CAPZB: variants seen among roughly 807,000 people sequenced by gnomAD.
CAPZB encodes capping actin protein of muscle Z-line subunit beta.
Under a neutral mutation model 38.1 loss-of-function variants are expected in CAPZB, and 2 were observed. The ratio of observed to expected loss-of-function variants is 0.05; its 90% CI spans 0.02 to 0.17. The LOEUF (loss-of-function observed/expected upper bound fraction) is 0.17. Among genes scored for constraint, CAPZB ranks in the 10% least tolerant of loss-of-function variants. The pLI, the probability that CAPZB is intolerant of heterozygous loss-of-function variation, is 1.00. For synonymous variants in CAPZB, 107 were observed against 127.4 expected (o/e 0.84, Z 1.08); for missense variants, 161 against 334.2 (o/e 0.48, Z 4.04).
chr1:19,448,963 G>T lies in CAPZB; in HGVS notation c.4-29213C>A, dbSNP rs78303251. Reference sequence around the variant, plus strand: ...CAATCGTTTTGCAGGCAGGGGAGGCGAGGGGGCAAGAGGAAGTGGAAACAT... The same window carrying T: ...CAATCGTTTTGCAGGCAGGGGAGGCTAGGGGGCAAGAGGAAGTGGAAACAT... On this transcript the variant is annotated intron_variant, in intron 1 of 8. Transcript: ENST00000264202. The T allele has an allele frequency of 2.2e-3, 3,562 of 1,608,362 alleles. 54 individuals carry two copies. In the African/African-American group the frequency reaches 0.041, roughly 19 times the overall value.
chr1:19,404,879 T>C (rs1558231998), intron 2 of CAPZB, among the ~76,000 whole-genome samples: 1 of 152,148 alleles, frequency 6.6e-6, no homozygotes, highest in Non-Finnish European at 1.5e-5. Context: ...TTGTCCTCTT[T>C]TAGAGTGAGG....
chr1:19,467,102 A>G (rs968668401), intron 1 of CAPZB, among the ~76,000 whole-genome samples: 5 of 152,092 alleles, frequency 3.3e-5, no homozygotes, highest in African/African-American at 7.2e-5. Flanking sequence ...GGGTCTCACT[A>G]TGTTGCCTAG....
At chr1:19,412,468 G>A (rs1213721729) in intron 2 of CAPZB, among the ~76,000 whole-genome samples, 3 of 152,004 alleles carry the variant, frequency 2.0e-5, no homozygotes, top group East Asian at 3.8e-4. Context: ...TTTTTCTTAC[G>A]AGATGGGGTC....
intron 1 of CAPZB, among the ~76,000 whole-genome samples, chr1:19,441,572 C>G (rs1419509244): frequency 6.6e-6 from 1 of 151,964 alleles, no homozygotes; most frequent in African/African-American, 2.4e-5. Flanking sequence ...ACAACATACA[C>G]CCAGGGTGGC....
At chr1:19,485,344 G>A (rs1191390409) in intron 1 of CAPZB, 92 bp downstream of exon 1, 4 of 941,300 alleles carry the variant, frequency 4.2e-6, no homozygotes, top group East Asian at 3.3e-5. Context: ...ACCCCGGGAA[G>A]CCACCCGTCC....
chr1:19,448,779 T>G, intron 1 of CAPZB: 1 of 1,607,150 alleles, frequency 6.2e-7, no homozygotes, highest in South Asian at 1.1e-5. Flanking sequence ...TCAACCCTGA[T>G]GGCCACGGCC....
intron 1 of CAPZB, among the ~76,000 whole-genome samples, chr1:19,483,448 G>A (rs1314939858): frequency 1.3e-5 from 2 of 152,224 alleles, no homozygotes; most frequent in Admixed American, 6.5e-5. Flanking sequence ...AGCCCCAGAA[G>A]GGCTTCCTGT....
intron 1 of CAPZB, among the ~76,000 whole-genome samples, chr1:19,425,252 T>C (rs2094418163): frequency 6.6e-6 from 1 of 152,202 alleles, no homozygotes; most frequent in South Asian, 2.1e-4. Flanking sequence ...CCCAATGGTG[T>C]GTTCCAGGTG....
In CAPZB at chr1:19,344,369, G is replaced by A; in HGVS notation, c.720C>T (p.Val240=). The A allele has an allele frequency of 1.2e-6, 2 of 1,612,576 alleles. No individual in the cohort carries two copies. Among genetic ancestry groups the A allele is most frequent in the Non-Finnish European group, 8.5e-7 (1 of 1,178,568 alleles). Reference sequence around the variant, plus strand: ...TTCTGGTACATTACCTCAGCCCATTGACGATATCCTTTGTTTTTCCAAAGT... The same window carrying A: ...TTCTGGTACATTACCTCAGCCCATTAACGATATCCTTTGTTTTTCCAAAGT... The part of the protein sequence containing the change: ...EIYFGKTKDI[V]NGLRSVQTFA... Residue 240 remains valine (V), a synonymous_variant, in exon 8 of 9, where the codon GTC becomes GTT. Coordinates refer to ENST00000264202, the MANE Select transcript of CAPZB (RefSeq NM_004930.5).
chr1:19,444,807 A>T (rs566281262), intron 1 of CAPZB, among the ~76,000 whole-genome samples: 1 of 152,240 alleles, frequency 6.6e-6, no homozygotes, highest in African/African-American at 2.4e-5. Flanking sequence ...AAGTGGCGCA[A>T]TCCTGGCTCA....
chr1:19,352,207 C>T (rs1050395989), intron 6 of CAPZB, among the ~76,000 whole-genome samples: 65 of 152,214 alleles, frequency 4.3e-4, no homozygotes, highest in African/African-American at 1.5e-3. Flanking sequence ...AAACGCAAGT[C>T]AAAGAGGATG....
At chr1:19,455,007 C>T (rs2094528505) in intron 1 of CAPZB, among the ~76,000 whole-genome samples, 1 of 152,218 alleles carries the variant, frequency 6.6e-6, no homozygotes, top group African/African-American at 2.4e-5. Flanking sequence ...GACACCGGTC[C>T]CGCAAAGAGG....
chr1:19,358,944 G>A (rs2094037031), intron 4 of CAPZB, among the ~76,000 whole-genome samples: 2 of 152,230 alleles, frequency 1.3e-5, no homozygotes, highest in Admixed American at 1.3e-4. Flanking sequence ...CCAGCTATGA[G>A]TTATGCTCAT....
chr1:19,392,584 G>A (rs1164541114), intron 2 of CAPZB, among the ~76,000 whole-genome samples: 2 of 148,936 alleles, frequency 1.3e-5, no homozygotes, highest in Non-Finnish European at 3.0e-5. Flanking sequence ...TCAAGAGTTC[G>A]AGACCAGCCT....
intron 4 of CAPZB, among the ~76,000 whole-genome samples, chr1:19,375,473 A>G (rs576927263): frequency 7.3e-4 from 110 of 151,688 alleles, no homozygotes; most frequent in African/African-American, 2.5e-3. Context: ...CTGCGGGGCC[A>G]CTCTCCTCCT....
intron 4 of CAPZB, among the ~76,000 whole-genome samples, chr1:19,367,702 C>G (rs1254569152): frequency 6.6e-6 from 1 of 152,196 alleles, no homozygotes; most frequent in Admixed American, 6.5e-5. Context: ...AGTCAACATA[C>G]CAATCAGCTT....
At chr1:19,478,752 T>C (rs1044267655) in intron 1 of CAPZB, among the ~76,000 whole-genome samples, 3 of 152,092 alleles carry the variant, frequency 2.0e-5, no homozygotes, top group Non-Finnish European at 2.9e-5. Flanking sequence ...GACTGCTCAG[T>C]AGACATCCAC....
chr1:19,363,393 C>T (rs912511114), intron 4 of CAPZB, among the ~76,000 whole-genome samples: 5 of 150,992 alleles, frequency 3.3e-5, no homozygotes, highest in South Asian at 4.2e-4. Context: ...GGTCCCTAAA[C>T]GTGGATCAGC....
chr1:19,396,822 G>A (rs1488584128), intron 2 of CAPZB, among the ~76,000 whole-genome samples: 2 of 150,660 alleles, frequency 1.3e-5, no homozygotes, highest in Non-Finnish European at 3.0e-5. Context: ...GCACTGTGGC[G>A]AGCACCTGTA....
Sources: gnomAD v4.1 joint callset for allele counts (sites outside exome capture counted in the v4.1 genomes callset) on GRCh38, gnomAD v4.1.1 for gene constraint, MANE v1.5 for transcripts, NCBI Gene and HGNC (gene_info 2026-07-23, HGNC 2026-07-21) for gene names.